Variants in PINX1 observed in about 807,000 individuals in gnomAD.
The protein encoded by PINX1 is PIN2 (TERF1) interacting telomerase inhibitor 1, also known as PIN2/TERF1-interacting telomerase inhibitor 1.
In PINX1, 34 loss-of-function variants were observed where a neutral mutation model predicts 25.4. That is an observed-to-expected ratio of 1.34 (90% CI 1.02 to 1.78). The LOEUF (loss-of-function observed/expected upper bound fraction) is 1.78. Ranked by LOEUF, PINX1 falls within the 40% of genes most tolerant of loss-of-function variation. PINX1 has a pLI of 0.00. For missense variants in PINX1, 592 were observed against 404.9 expected, an observed-to-expected ratio of 1.46 and a Z score of -3.97; for synonymous variants, 197 against 147.7, an observed-to-expected ratio of 1.33 and a Z score of -2.42.
intron 6 of PINX1, among the ~76,000 whole-genome samples, chr8:10,784,876 A>C (rs2129074690): frequency 6.6e-6 from 1 of 152,356 alleles, no homozygotes; most frequent in African/African-American, 2.4e-5. Context: ...TGACAAATCA[A>C]AGACTAAAGC....
At chr8:10,827,259 A>T (rs1290969575) in intron 4 of PINX1, among the ~76,000 whole-genome samples, 1 of 152,238 alleles carries the variant, frequency 6.6e-6, no homozygotes, top group East Asian at 1.9e-4. Flanking sequence ...GATGACGATT[A>T]GGTGACGCAT....
intron 4 of PINX1, among the ~76,000 whole-genome samples, chr8:10,827,786 C>G (rs913036666): frequency 3.3e-5 from 5 of 151,390 alleles, no homozygotes; most frequent in Non-Finnish European, 7.4e-5. Context: ...TGGCGGGCAC[C>G]TGTAGTCCCA....
At chr8:10,831,620 A>G (rs1258817657) in intron 4 of PINX1, 45 bp downstream of exon 4, 1 of 1,190,592 alleles carries the variant, frequency 8.4e-7, no homozygotes, top group South Asian at 1.3e-5. Context: ...CAAAAAGTAG[A>G]TAAACATATT....
chr8:10,796,183 T>G (rs1414267584), intron 6 of PINX1, among the ~76,000 whole-genome samples: 2 of 152,118 alleles, frequency 1.3e-5, no homozygotes. Context: ...TGGAAGGAGC[T>G]TGATTGGCTC....
intron 6 of PINX1, chr8:10,771,498 G>A (rs1269506470): frequency 6.6e-6 from 1 of 152,132 alleles, no homozygotes; most frequent in African/African-American, 2.4e-5. Context: ...AATTTGCTTT[G>A]CTAGCATCTT....
intron 6 of PINX1, among the ~76,000 whole-genome samples, chr8:10,810,733 A>G (rs879727305): frequency 6.6e-6 from 1 of 152,336 alleles, no homozygotes; most frequent in East Asian, 1.9e-4. Flanking sequence ...CTTCCACCCA[A>G]AACTGCAGAG....
intron 6 of PINX1, among the ~76,000 whole-genome samples, chr8:10,788,718 C>T (rs574567909): frequency 6.6e-6 from 1 of 152,256 alleles, no homozygotes; most frequent in South Asian, 2.1e-4. Context: ...TTCCATTATC[C>T]TAGGAGAAAT....
At chr8:10,781,443 A>G (rs78607277) in intron 6 of PINX1, among the ~76,000 whole-genome samples, 1,695 of 152,328 alleles carry the variant, frequency 0.011, 25 homozygotes, top group African/African-American at 0.038. Context: ...CTTGTAGACC[A>G]TGTATCTGAT....
At position 10,765,416 on chromosome 8, in the gene PINX1, C is replaced by T. The variant is rs200919628; in HGVS notation, c.972G>A (p.Lys324=). Reference sequence around the variant, plus strand: ...TGGGAAGGATTCATTTGGAATCTTTCTTCTTCTTCTTTTTCACTAGCGTTT... The same window carrying T: ...TGGGAAGGATTCATTTGGAATCTTTTTTCTTCTTCTTTTTCACTAGCGTTT... The part of the protein sequence containing the change: ...LEETLVKKKK[K]KDSK The change falls in exon 7 of 7, where the codon AAG becomes AAA. Residue 324 remains lysine (K), a synonymous_variant. Coordinates refer to ENST00000314787, the MANE Select transcript of PINX1 (RefSeq NM_017884.6). 9.4e-6 allele frequency: 15 copies of T among 1,592,512 alleles called. No homozygotes were observed. The highest frequency in any genetic ancestry group is 1.3e-5 in the Non-Finnish European group (15 of 1,172,066).
intron 6 of PINX1, among the ~76,000 whole-genome samples, chr8:10,769,555 T>G (rs182586004): frequency 2.0e-4 from 31 of 152,276 alleles, no homozygotes; most frequent in Admixed American, 1.9e-3. Context: ...TGAGGAAGCT[T>G]CACCCAAAGT....
chr8:10,790,485 G>A (rs769347935), intron 6 of PINX1, among the ~76,000 whole-genome samples: 1 of 152,104 alleles, frequency 6.6e-6, no homozygotes, highest in Non-Finnish European at 1.5e-5. Flanking sequence ...CCATCTGCAC[G>A]TCTGCCCTGC....
chr8:10,801,715 G>C (rs957375537), intron 6 of PINX1, among the ~76,000 whole-genome samples: 1 of 152,202 alleles, frequency 6.6e-6, no homozygotes, highest in Non-Finnish European at 1.5e-5. Flanking sequence ...AGACCTTACA[G>C]AACTACAGCA....
intron 6 of PINX1, among the ~76,000 whole-genome samples, chr8:10,815,938 G>A (rs1426592823): frequency 1.3e-5 from 2 of 152,158 alleles, no homozygotes; most frequent in African/African-American, 2.4e-5. Context: ...TTAGCACTGG[G>A]TAGTGACCCC....
chr8:10,835,958 G>C (rs995557599), intron 1 of PINX1, among the ~76,000 whole-genome samples: 2 of 152,096 alleles, frequency 1.3e-5, no homozygotes, highest in African/African-American at 2.4e-5. Flanking sequence ...AACTCCAAAG[G>C]TTCAAAGCAC....
intron 3 of PINX1, 130 bp from the exon 4 acceptor site, chr8:10,831,873 T>C (rs1348969205): frequency 1.6e-6 from 1 of 638,548 alleles, no homozygotes; most frequent in African/African-American, 1.8e-5. Flanking sequence ...CAAAATACTA[T>C]TTGATAAATT....
At chr8:10,782,525 C>T (rs577713929) in intron 6 of PINX1, among the ~76,000 whole-genome samples, 5 of 152,082 alleles carry the variant, frequency 3.3e-5, no homozygotes, top group African/African-American at 7.2e-5. Context: ...CATCTGAGGT[C>T]GGGAGTTCAA....
chr8:10,813,166 A>C (rs1409923881), intron 6 of PINX1, among the ~76,000 whole-genome samples: 1 of 152,214 alleles, frequency 6.6e-6, no homozygotes, highest in East Asian at 1.9e-4. Context: ...TTGTGGGCTT[A>C]TAGTTCTCCC....
chr8:10,775,344 C>A (rs1200460791), intron 6 of PINX1, among the ~76,000 whole-genome samples: 1 of 150,512 alleles, frequency 6.6e-6, no homozygotes, highest in East Asian at 2.0e-4. Flanking sequence ...ACCAGAAATT[C>A]AATGCCCTCC....
chr8:10,804,562 A>G (rs1351881566), intron 6 of PINX1, among the ~76,000 whole-genome samples: 1 of 152,118 alleles, frequency 6.6e-6, no homozygotes, highest in African/African-American at 2.4e-5. Flanking sequence ...GCCGATTTTG[A>G]GAATAAGCTC....
Sources: gnomAD v4.1 joint callset for allele counts (sites outside exome capture counted in the v4.1 genomes callset) on GRCh38, gnomAD v4.1.1 for gene constraint, MANE v1.5 for transcripts, NCBI Gene and HGNC (gene_info 2026-07-23, HGNC 2026-07-21) for gene names.